The following ABLIM2 variants were observed in gnomAD, a reference collection of about 807,000 sequenced individuals.
ABLIM2 encodes the protein actin binding LIM protein family member 2.
A neutral mutation model predicts 97.7 loss-of-function variants in ABLIM2; 53 were observed. That is an observed-to-expected ratio of 0.54 (90% CI 0.44 to 0.68). The LOEUF is 0.68. Among genes scored for constraint, ABLIM2 ranks in the 30% least tolerant of loss-of-function variants. The probability of loss-of-function intolerance (pLI) is 0.00; values close to 1 mark genes in which losing one functional copy is unlikely to be tolerated. For missense variants in ABLIM2, 835 were observed against 867.2 expected (o/e 0.96, Z 0.47); for synonymous variants, 361 against 345.8 (o/e 1.04, Z -0.49).
chr4:8,126,553 T>C (rs1283112528), intron 1 of ABLIM2, among the ~76,000 whole-genome samples: 3 of 151,950 alleles, frequency 2.0e-5, no homozygotes, highest in Non-Finnish European at 4.4e-5. Context: ...GGATTGGAGC[T>C]ATTGGAATTG....
intron 2 of ABLIM2, among the ~76,000 whole-genome samples, chr4:8,103,159 G>C (rs1301683215): frequency 6.6e-6 from 1 of 152,210 alleles, no homozygotes; most frequent in East Asian, 1.9e-4. Flanking sequence ...GCCAGCCCTG[G>C]GGTAGGGGTG....
Position 8,113,638 on chromosome 4 carries a change from T to C in ABLIM2, c.11-7001A>G, listed in dbSNP as rs2152810381. On this transcript the variant is annotated intron_variant, in intron 1 of 20. Coordinates refer to ENST00000447017, the MANE Select transcript of ABLIM2 (RefSeq NM_001130083.2). This position sits in a 1 kb window ranked among gnomAD's most constrained non-coding sequence, Gnocchi z 4.5. ...CAGGGGAAAACTTGGGGTCCACCCA[T>C]GGCAGGGGTTCTCATCGGAGGCCCG... 6.6e-6 allele frequency among the ~76,000 whole-genome samples: 1 copy of C among 152,308 alleles called. No homozygotes were observed. Among genetic ancestry groups the C allele is most frequent in the South Asian group, 2.1e-4 (1 of 4,822 alleles).
intron 1 of ABLIM2, among the ~76,000 whole-genome samples, chr4:8,158,389 C>A (rs1055323844): frequency 8.5e-5 from 13 of 152,168 alleles, no homozygotes; most frequent in African/African-American, 2.7e-4. Flanking sequence ...ACAACCCGGA[C>A]CCCCGTGAGA....
intron 10 of ABLIM2, among the ~76,000 whole-genome samples, chr4:8,034,741 G>T (rs1414450288): frequency 2.5e-5 from 2 of 79,362 alleles, no homozygotes; most frequent in Admixed American, 1.3e-4. Context: ...AGGTGGGTGG[G>T]TAGTAGGTAG....
rs371373214 is a variant in ABLIM2, at chr4:7,992,958, C to T, written c.1619-31G>A. 51 of 1,606,032 alleles carry T rather than the reference C, an allele frequency of 3.2e-5. No individual in the cohort carries two copies. In the African/African-American group the frequency reaches 3.5e-4, roughly 11 times the overall value. ...ACAGACACAGCACAGCTTTGTCACG[C>T]GCGCAGACTCGGTGCAGCAATGGGG... On this transcript the variant is annotated intron_variant, in intron 16 of 20. Coordinates refer to ENST00000447017, the MANE Select transcript of ABLIM2 (RefSeq NM_001130083.2). This position sits in a 1 kb window ranked among gnomAD's most constrained non-coding sequence, Gnocchi z 5.7.
chr4:8,061,551 G>T lies in ABLIM2; in HGVS notation c.676-497C>A, dbSNP rs537497157. Among the ~76,000 whole-genome samples, 3 of 151,772 alleles carry T rather than the reference G, an allele frequency of 2.0e-5. No homozygotes were observed. In the East Asian group the frequency reaches 5.8e-4, roughly 29 times the overall value. ...GCTCAGTATGTTCAATGAGCATTTT[G>T]TTTTTATCATTCTTGAAGTTTATTA... On this transcript the variant is annotated intron_variant, in intron 6 of 20. Coordinates refer to ENST00000447017, the MANE Select transcript of ABLIM2 (RefSeq NM_001130083.2). This position sits in a 1 kb window ranked among gnomAD's most constrained non-coding sequence, Gnocchi z 4.5.
Position 8,120,899 on chromosome 4 carries a change from C to T in ABLIM2, c.11-14262G>A, listed in dbSNP as rs1258834274. ...TTTTATAATACAATGTTGACCGTCT[C>T]ACGTAAGAGTACTGTACCGCAGATT... On this transcript the variant is annotated intron_variant, in intron 1 of 20. Transcript: ENST00000447017. The surrounding 1 kb of genome is among the most constrained non-coding windows in gnomAD (Gnocchi z 5.6). Among the ~76,000 whole-genome samples the T allele has an allele frequency of 6.6e-6, 1 of 152,254 alleles. No homozygotes were observed. Among genetic ancestry groups the T allele is most frequent in the Non-Finnish European group, 1.5e-5 (1 of 68,050 alleles).
intron 1 of ABLIM2, among the ~76,000 whole-genome samples, chr4:8,119,853 C>T (rs1844484107): frequency 6.6e-6 from 1 of 152,172 alleles, no homozygotes; most frequent in Non-Finnish European, 1.5e-5. Context: ...CTGAGTGAGC[C>T]TAAGGGGTCA....
In ABLIM2 at chr4:8,061,911, C is replaced by T. The variant is rs145189306; in HGVS notation, c.676-857G>A. On this transcript the variant is annotated intron_variant, in intron 6 of 20. Transcript: ENST00000447017. This position sits in a 1 kb window ranked among gnomAD's most constrained non-coding sequence, Gnocchi z 4.5. ...CCCGTTTTCCCTGTCCTGTGCCTTCCCTAGGATGAAAACAGCCCCGAGATG... is the reference window on the plus strand; with the variant it reads ...CCCGTTTTCCCTGTCCTGTGCCTTCTCTAGGATGAAAACAGCCCCGAGATG... Among the ~76,000 whole-genome samples, 278 of 152,264 alleles carry T rather than the reference C, an allele frequency of 1.8e-3. No homozygotes were observed. Among genetic ancestry groups the T allele is most frequent in the African/African-American group, 6.1e-3 (252 of 41,542 alleles).
intron 7 of ABLIM2, among the ~76,000 whole-genome samples, chr4:8,056,053 C>T (rs1798846276): frequency 7.9e-6 from 1 of 126,754 alleles, no homozygotes; most frequent in African/African-American, 3.1e-5. Context: ...GCAGAGGTTG[C>T]AGTGAGCTGA....
intron 9 of ABLIM2, among the ~76,000 whole-genome samples, chr4:8,037,501 C>A (rs1224912316): frequency 6.6e-6 from 1 of 152,020 alleles, no homozygotes; most frequent in African/African-American, 2.4e-5. Flanking sequence ...CACACTGACA[C>A]GTGCTCACAC....
intron 3 of ABLIM2, among the ~76,000 whole-genome samples, chr4:8,089,509 A>G (rs982736261): frequency 2.6e-5 from 4 of 151,982 alleles, no homozygotes; most frequent in African/African-American, 9.7e-5. Context: ...CTGAGGTGGG[A>G]GGATCACTTG....
chr4:8,108,352 C>T (rs990537347), intron 1 of ABLIM2, among the ~76,000 whole-genome samples: 12 of 152,226 alleles, frequency 7.9e-5, no homozygotes, highest in Non-Finnish European at 1.2e-4. Context: ...AAGTTCACCC[C>T]GAATGATCTC....
At chr4:8,131,665 C>T (rs116728680) in intron 1 of ABLIM2, among the ~76,000 whole-genome samples, 2,729 of 123,224 alleles carry the variant, frequency 0.022, 139 homozygotes, top group African/African-American at 0.086. Context: ...GCACAGCATC[C>T]CGCATCCCTG....
chr4:8,143,163 G>T (rs569791198), intron 1 of ABLIM2, among the ~76,000 whole-genome samples: 3 of 148,540 alleles, frequency 2.0e-5, no homozygotes, highest in African/African-American at 5.0e-5. Context: ...CGAGAGTGGG[G>T]GGGGGGGGCG....
At chr4:8,031,711 G>GA (rs1390890921) in intron 10 of ABLIM2, among the ~76,000 whole-genome samples, 1 of 150,210 alleles carries the variant, frequency 6.7e-6, no homozygotes, top group Non-Finnish European at 1.5e-5. Context: ...CGTGGTGGGG[G>GA]ATGAATAAAT....
rs920596246 is a variant in ABLIM2, at chr4:8,112,764, C to T, written c.11-6127G>A. On this transcript the variant is annotated intron_variant, in intron 1 of 20. Coordinates refer to ENST00000447017, the MANE Select transcript of ABLIM2 (RefSeq NM_001130083.2). This position sits in a 1 kb window ranked among gnomAD's most constrained non-coding sequence, Gnocchi z 4.2. ...GGAATGGTCAGTCATCCTCATCTCA[C>T]GGATGAGGATGCCAAGGCTAGGAGA... 5.9e-5 allele frequency among the ~76,000 whole-genome samples: 9 copies of T among 152,292 alleles called. No individual in the cohort carries two copies. The highest frequency in any genetic ancestry group is 5.8e-4 in the East Asian group (3 of 5,174).
chr4:8,099,574 G>A (rs1160975141), intron 2 of ABLIM2, among the ~76,000 whole-genome samples: 1 of 152,160 alleles, frequency 6.6e-6, no homozygotes, highest in Non-Finnish European at 1.5e-5. Flanking sequence ...GACTGGGCAC[G>A]GTGGCTCACA....
chr4:8,048,571 G>C (rs897034162), intron 8 of ABLIM2, among the ~76,000 whole-genome samples: 1 of 152,154 alleles, frequency 6.6e-6, no homozygotes, highest in Non-Finnish European at 1.5e-5. Flanking sequence ...GCCAAGCCTC[G>C]CTCTACCGCC....
Sources: gnomAD v4.1 joint callset for allele counts (sites outside exome capture counted in the v4.1 genomes callset) on GRCh38, gnomAD v4.1.1 for gene constraint, Gnocchi (gnomAD v3.1) non-coding constraint, MANE v1.5 for transcripts, NCBI Gene and HGNC (gene_info 2026-07-23, HGNC 2026-07-21) for gene names.